FBP2: variants seen among roughly 807,000 people sequenced by gnomAD.
FBP2 encodes fructose-bisphosphatase 2, also known as fructose-1,6-bisphosphatase isozyme 2.
A neutral mutation model predicts 31.6 loss-of-function variants in FBP2; 27 were observed. That is an observed-to-expected ratio of 0.85 (90% CI 0.63 to 1.18). The LOEUF (loss-of-function observed/expected upper bound fraction) is 1.18, where lower values mean the gene tolerates loss of function less well. Ranked by LOEUF, FBP2 falls within the 50% of genes most tolerant of loss-of-function variation. The probability of loss-of-function intolerance (pLI) is 0.00; values close to 1 mark genes in which losing one functional copy is unlikely to be tolerated. For missense variants in FBP2, 421 were observed against 436.1 expected (o/e 0.97, Z 0.31); for synonymous variants, 168 against 179.8 (o/e 0.93, Z 0.53).
chr9:94,590,597 A>C (rs113371138), intron 1 of FBP2, among the ~76,000 whole-genome samples: 2 of 152,156 alleles, frequency 1.3e-5, no homozygotes, highest in Non-Finnish European at 2.9e-5. Context: ...TCGTGGTCTC[A>C]CTGGGCTCAG....
At chr9:94,570,616 G>T (rs1186422538) in intron 4 of FBP2, 1 of 152,138 alleles carries the variant, frequency 6.6e-6, no homozygotes, top group African/African-American at 2.4e-5. Context: ...AATTTCTCAG[G>T]GTTTGCCAGC....
At position 94,591,199 on chromosome 9, in the gene FBP2, C is replaced by T. The variant is rs1460738203; in HGVS notation, c.170+2358G>A. On this transcript the variant is annotated intron_variant, in intron 1 of 6. Coordinates refer to ENST00000375337, the MANE Select transcript of FBP2 (RefSeq NM_003837.4). ...CTGAGCGCTGTGGAGCGGGGGGTGGCGCTCGTCGGGGAGGCTCGGGCCGCA... is the reference window on the plus strand; with the variant it reads ...CTGAGCGCTGTGGAGCGGGGGGTGGTGCTCGTCGGGGAGGCTCGGGCCGCA... Among the ~76,000 whole-genome samples the T allele has an allele frequency of 4.6e-5, 7 of 152,332 alleles. No individual in the cohort carries two copies. The East Asian group carries it at 5.8e-4, about 13-fold the overall frequency.
At chr9:94,582,617 G>A (rs1270852975) in intron 3 of FBP2, among the ~76,000 whole-genome samples, 1 of 145,014 alleles carries the variant, frequency 6.9e-6, no homozygotes, top group Non-Finnish European at 1.5e-5. Flanking sequence ...GCGCGATCTT[G>A]GCTCACTACA....
At chr9:94,582,345 T>TGTGTGTGC (rs1417066146) in intron 3 of FBP2, among the ~76,000 whole-genome samples, 3 of 83,092 alleles carry the variant, frequency 3.6e-5, no homozygotes, top group African/African-American at 1.3e-4. Context: ...AATATGTGTG[T>TGTGTGTGC]GTGTGCGTGT....
rs141358375 is a variant in FBP2, at chr9:94,593,588, A to C, written c.139T>G (p.Ser47Ala). The change falls in exon 1 of 7, where the codon TCG (serine) becomes GCG (alanine). Residue 47 changes from serine to alanine, a missense_variant. Coordinates refer to ENST00000375337, the MANE Select transcript of FBP2 (RefSeq NM_003837.4). ...SMLTAIKAIS[S>A]AVRKAGLAHL... ...GCCAGACCGGCCTTGCGCACAGCCG[A>C]GGAGATGGCTTTGATGGCCGTCAGC... The C allele has an allele frequency of 2.7e-5, 44 of 1,614,076 alleles. No homozygotes were observed. Among genetic ancestry groups the C allele is most frequent in the Admixed American group, 2.5e-4 (15 of 60,026 alleles).
chr9:94,562,127 T>C (rs376241248), intron 6 of FBP2, among the ~76,000 whole-genome samples: 110 of 151,848 alleles, frequency 7.2e-4, no homozygotes, highest in South Asian at 2.1e-3. Context: ...CTGGCTAACA[T>C]GGTGAAACCC....
At chr9:94,579,162 G>A (rs1293804615) in intron 3 of FBP2, among the ~76,000 whole-genome samples, 3 of 149,508 alleles carry the variant, frequency 2.0e-5, no homozygotes, top group Non-Finnish European at 4.4e-5. Context: ...ATTTTGGGAG[G>A]CCAAGGCGGG....
In FBP2 at chr9:94,586,114, G is replaced by A. The variant is rs548052956; in HGVS notation, c.333+1193C>T. Among the ~76,000 whole-genome samples, 582 of 152,266 alleles carry A rather than the reference G, an allele frequency of 3.8e-3. 3 individuals carry two copies. Among genetic ancestry groups the A allele is most frequent in the African/African-American group, 0.013 (525 of 41,576 alleles). On this transcript the variant is annotated intron_variant, in intron 2 of 6. Coordinates refer to ENST00000375337, the MANE Select transcript of FBP2 (RefSeq NM_003837.4). ...CCACGGGCCAGGCATGGTGGCTCAC[G>A]CCTGTAATCCCAGCACTTTGGGAGC...
At chr9:94,582,252 T>C (rs1827378098) in intron 3 of FBP2, among the ~76,000 whole-genome samples, 1 of 152,192 alleles carries the variant, frequency 6.6e-6, no homozygotes, top group Non-Finnish European at 1.5e-5. Flanking sequence ...AAAATAAACA[T>C]GGGTCATACA....
chr9:94,570,102 GAC>G (rs1827251373), intron 4 of FBP2: 3 of 152,212 alleles, frequency 2.0e-5, no homozygotes, highest in Admixed American at 2.0e-4. Flanking sequence ...CTGTCATGTT[GAC>G]AAGCTCTGGT....
chr9:94,584,523 C>A, intron 3 of FBP2, 54 bp downstream of exon 3: 1 of 1,169,662 alleles, frequency 8.5e-7, no homozygotes, highest in Non-Finnish European at 1.3e-6. Context: ...AGCCCAGGAA[C>A]CTTCCAGAGA....
chr9:94,583,524 G>A (rs1383599047), intron 3 of FBP2, among the ~76,000 whole-genome samples: 3 of 152,140 alleles, frequency 2.0e-5, no homozygotes, highest in Admixed American at 2.0e-4. Flanking sequence ...GTAAGAGCAC[G>A]GTTTAATCAA....
intron 3 of FBP2, chr9:94,576,807 G>A (rs1456185608): frequency 7.9e-5 from 12 of 152,348 alleles, no homozygotes; most frequent in Admixed American, 1.3e-4. Context: ...TTGGCCACTA[G>A]TGACACCATT....
At position 94,565,758 on chromosome 9, in the gene FBP2, T is replaced by C. The variant is rs201965575; in HGVS notation, c.705+1512A>G. 6.5e-5 allele frequency among the ~76,000 whole-genome samples: 5 copies of C among 77,310 alleles called. No homozygotes were observed. In the East Asian group the frequency reaches 2.2e-3, roughly 34 times the overall value. 50.7% of individuals were successfully genotyped at this position (77,310 alleles called of 152,430 possible). A position where few individuals can be genotyped will look rare whatever the true frequency, so the allele number is the denominator to read the frequency against. On this transcript the variant is annotated intron_variant, in intron 5 of 6. Transcript: ENST00000375337. ...AGATGATAGATAGATAGATAGAAAA[T>C]AGATACATAGATGATAGATAGATAG...
chr9:94,587,407 G>T lies in FBP2; in HGVS notation c.233C>A (p.Ser78Tyr). The change falls in exon 2 of 7, where the codon TCC (serine) becomes TAC (tyrosine). Residue 78 changes from serine to tyrosine, a missense_variant. By Grantham distance (144) the Ser-to-Tyr change is moderately radical. Transcript: ENST00000375337. ...GACCATGTTGATCACCAGGGAATTG[G>T]ATAGCACATCCAGTTTCTTCACCTC... ...GDEVKKLDVLSNSLVINMVQS... is the reference protein window; with the variant it reads ...GDEVKKLDVLYNSLVINMVQS... 6.2e-7 allele frequency: 1 copy of T among 1,614,038 alleles called. No individual in the cohort carries two copies. Among genetic ancestry groups the T allele is most frequent in the South Asian group, 1.1e-5 (1 of 91,076 alleles).
intron 3 of FBP2, 60 bp from the exon 4 acceptor site, chr9:94,571,662 C>A: frequency 1.3e-6 from 2 of 1,494,004 alleles, no homozygotes; most frequent in South Asian, 2.7e-5. Context: ...AACACTTTGC[C>A]AGGGGCCTGG....
chr9:94,590,689 G>C (rs10993254), intron 1 of FBP2, among the ~76,000 whole-genome samples: 7 of 152,188 alleles, frequency 4.6e-5, no homozygotes, highest in Non-Finnish European at 8.8e-5. Flanking sequence ...CAGCAAGAGC[G>C]AAAGAACAAA....
intron 2 of FBP2, among the ~76,000 whole-genome samples, chr9:94,585,509 C>T (rs771789791): frequency 1.3e-5 from 2 of 149,394 alleles, no homozygotes; most frequent in Non-Finnish European, 3.0e-5. Context: ...AACGAAAACC[C>T]ACATAGGCTG....
chr9:94,588,792 GCAC>G (rs1227367381), intron 1 of FBP2, among the ~76,000 whole-genome samples: 1 of 152,098 alleles, frequency 6.6e-6, no homozygotes, highest in Non-Finnish European at 1.5e-5. Flanking sequence ...TGGGTGTCAG[GCAC>G]CACCGTGGAA....
Sources: gnomAD v4.1 joint callset for allele counts (sites outside exome capture counted in the v4.1 genomes callset) on GRCh38, gnomAD v4.1.1 for gene constraint, MANE v1.5 for transcripts, NCBI Gene and HGNC (gene_info 2026-07-23, HGNC 2026-07-21) for gene names.